INTS6L: variants seen among roughly 807,000 people sequenced by gnomAD.
INTS6L encodes integrator complex subunit 6-like.
In INTS6L, 18 loss-of-function variants were observed where a neutral mutation model predicts 64.7. The ratio of observed to expected loss-of-function variants is 0.28; its 90% CI spans 0.19 to 0.41. INTS6L has a LOEUF of 0.41. Among genes scored for constraint, INTS6L ranks in the 10% least tolerant of loss-of-function variants. INTS6L has a pLI of 1.00. For synonymous variants in INTS6L, 227 were observed against 235.9 expected (o/e 0.96, Z 0.34); for missense variants, 533 against 661.0 (o/e 0.81, Z 2.12).
intron 2 of INTS6L, among the ~76,000 whole-genome samples, chrX:135,525,212 A>G (rs2085699315): frequency 8.9e-6 from 1 of 112,314 alleles, no homozygotes; most frequent in African/African-American, 3.2e-5. Flanking sequence ...TAGTGAATAG[A>G]AGAGGCAGGC....
intron 9 of INTS6L, among the ~76,000 whole-genome samples, chrX:135,567,377 TG>T (rs1210347488): frequency 1.8e-5 from 2 of 111,833 alleles, no homozygotes; most frequent in Admixed American, 1.9e-4. Context: ...TCCATGTGAA[TG>T]GGTATTTAAT....
intron 8 of INTS6L, among the ~76,000 whole-genome samples, chrX:135,555,673 G>A (rs1191885808): frequency 9.0e-6 from 1 of 111,518 alleles, no homozygotes. Flanking sequence ...GGAGAATTGC[G>A]ATCTGAACAT....
intron 2 of INTS6L, among the ~76,000 whole-genome samples, chrX:135,524,897 T>C (rs782527062): frequency 2.7e-5 from 3 of 112,525 alleles, no homozygotes; most frequent in Non-Finnish European, 5.6e-5. Flanking sequence ...AAGTACCACA[T>C]AAAAAGCGTA....
At chrX:135,535,256 C>A (rs1472444309) in intron 2 of INTS6L, among the ~76,000 whole-genome samples, 1 of 111,727 alleles carries the variant, frequency 9.0e-6, no homozygotes, top group Non-Finnish European at 1.9e-5. Context: ...TTGTAACAAC[C>A]TCCTTTATAG....
Position 135,552,013 on chromosome X carries a change from C to T in INTS6L, c.926C>T (p.Pro309Leu). The T allele has an allele frequency of 8.5e-7, 1 of 1,178,616 alleles. No individual in the cohort carries two copies. Among genetic ancestry groups the T allele is most frequent in the Non-Finnish European group, 1.1e-6 (1 of 883,337 alleles). ...TTTTAGCCTCCACGAACATCTCATC[C>T]TGTTGTGAGGTTCTCCTGTGTAGAT... ...LPSLPPRTSH[P>L]VVRFSCVDCE... The change falls in exon 8 of 18, where the codon CCT (proline) becomes CTT (leucine). Residue 309 changes from proline to leucine, a missense_variant. Transcript: ENST00000639893.
chrX:135,580,411 A>G (rs1556533878), intron 16 of INTS6L, among the ~76,000 whole-genome samples: 1 of 112,790 alleles, frequency 8.9e-6, no homozygotes, highest in African/African-American at 3.2e-5. Context: ...GCTTAAAACA[A>G]TACAAATTAT....
At chrX:135,523,242 C>CA (rs782680777) in intron 2 of INTS6L, among the ~76,000 whole-genome samples, 145 of 104,503 alleles carry the variant, frequency 1.4e-3, no homozygotes, top group Non-Finnish European at 2.3e-3. Context: ...AAAAACAAAA[C>CA]AAAAAAAAAA....
intron 17 of INTS6L, 36 bp downstream of exon 17, chrX:135,581,179 T>C (rs782796821): frequency 2.8e-6 from 3 of 1,069,193 alleles, no homozygotes; most frequent in Non-Finnish European, 2.5e-6. Context: ...TTTTTTGTTT[T>C]TGTTTTTAGA....
intron 2 of INTS6L, among the ~76,000 whole-genome samples, chrX:135,538,002 T>C (rs1407941570): frequency 8.9e-6 from 1 of 112,767 alleles, no homozygotes; most frequent in Non-Finnish European, 1.9e-5. Context: ...TGGTGGACAG[T>C]CTTGCCTTGA....
intron 2 of INTS6L, among the ~76,000 whole-genome samples, chrX:135,526,548 A>G (rs2085743155): frequency 8.9e-6 from 1 of 111,773 alleles, no homozygotes; most frequent in African/African-American, 3.3e-5. Flanking sequence ...TCTTTATTCT[A>G]TGTTTTCAAA....
intron 2 of INTS6L, among the ~76,000 whole-genome samples, chrX:135,534,686 T>C (rs921628491): frequency 1.9e-3 from 204 of 105,438 alleles, no homozygotes; most frequent in Non-Finnish European, 3.3e-3. Context: ...TCTTTTCTTT[T>C]TTTTTTTTTT....
intron 8 of INTS6L, among the ~76,000 whole-genome samples, chrX:135,555,277 G>A (rs1283135919): frequency 9.0e-6 from 1 of 111,437 alleles, no homozygotes; most frequent in African/African-American, 3.3e-5. Context: ...CCAGTGCCTG[G>A]CTTATTATAA....
chrX:135,521,166 G>A (rs1315416752), intron 1 of INTS6L, 63 bp downstream of exon 1: 4 of 1,179,526 alleles, frequency 3.4e-6, no homozygotes, highest in Non-Finnish European at 3.4e-6. Context: ...GTGGATTGAG[G>A]TGCTTCTGTA....
chrX:135,543,341 G>A (rs1556513636), intron 2 of INTS6L, among the ~76,000 whole-genome samples: 1 of 111,419 alleles, frequency 9.0e-6, no homozygotes, highest in African/African-American at 3.3e-5. Flanking sequence ...CCAGAGCAAT[G>A]ATAATCAGAT....
intron 2 of INTS6L, among the ~76,000 whole-genome samples, chrX:135,522,426 G>A (rs1011628214): frequency 1.8e-5 from 2 of 112,195 alleles, no homozygotes; most frequent in African/African-American, 6.5e-5. Context: ...CTATGGTGAG[G>A]AGATAAAGAA....
intron 10 of INTS6L, chrX:135,570,055 C>T (rs2087055271): frequency 3.3e-5 from 4 of 120,853 alleles, no homozygotes; most frequent in South Asian, 3.1e-4. Context: ...GGTGAAAAGG[C>T]AGAATCTTAA....
intron 13 of INTS6L, 96 bp downstream of exon 13, chrX:135,574,158 T>C: frequency 1.0e-6 from 1 of 977,954 alleles, no homozygotes; most frequent in Non-Finnish European, 1.4e-6. Flanking sequence ...GGCTATTTTA[T>C]AGTATTTTAA....
intron 2 of INTS6L, among the ~76,000 whole-genome samples, chrX:135,537,412 G>A (rs2086085735): frequency 8.9e-6 from 1 of 112,544 alleles, no homozygotes; most frequent in Non-Finnish European, 1.9e-5. Flanking sequence ...GTTACAGGGT[G>A]TAGAATTATA....
chrX:135,533,855 G>GT (rs1212115296), intron 2 of INTS6L, among the ~76,000 whole-genome samples: 15 of 111,669 alleles, frequency 1.3e-4, no homozygotes, highest in South Asian at 3.7e-4. Context: ...CACAATAGCA[G>GT]TTTTTTTTCC....
Sources: gnomAD v4.1 joint callset for allele counts (sites outside exome capture counted in the v4.1 genomes callset) on GRCh38, gnomAD v4.1.1 for gene constraint, MANE v1.5 for transcripts, NCBI Gene and HGNC (gene_info 2026-07-23, HGNC 2026-07-21) for gene names.